NOS2: variants seen among roughly 807,000 people sequenced by gnomAD.
NOS2 encodes nitric oxide synthase 2.
NOS2 carries 96 observed loss-of-function variants against 136.0 expected under a neutral mutation model. That is an observed-to-expected ratio of 0.71 (90% CI 0.60 to 0.84). NOS2 has a LOEUF of 0.84. Among genes scored for constraint, NOS2 ranks in the 40% least tolerant of loss-of-function variants. The pLI is 0.00. For missense variants in NOS2, 1,237 were observed against 1,496.9 expected, an observed-to-expected ratio of 0.83 and a Z score of 2.87; for synonymous variants, 539 against 587.5, an observed-to-expected ratio of 0.92 and a Z score of 1.20.
chr17:27,785,950 C>T (rs1448300922), intron 5 of NOS2, among the ~76,000 whole-genome samples: 2 of 115,866 alleles, frequency 1.7e-5, no homozygotes, highest in East Asian at 2.3e-4. Flanking sequence ...AGAGCAAGAC[C>T]GAGTCTCAAA....
At chr17:27,783,754 C>T (rs1908926050) in intron 5 of NOS2, among the ~76,000 whole-genome samples, 1 of 152,226 alleles carries the variant, frequency 6.6e-6, no homozygotes, top group African/African-American at 2.4e-5. Context: ...AACATAAGTA[C>T]AGGAAAGAGC....
Position 27,778,732 on chromosome 17 carries a change from C to T in NOS2, c.1239G>A (p.Gln413=). The change falls in exon 11 of 27, where the codon CAG becomes CAA. Residue 413 remains glutamine (Q), a synonymous_variant. Transcript: ENST00000313735. The part of the protein sequence containing the change: ...THKLASLWKD[Q]AVVEINIAVL... ...CAGCAATGTTGATCTCAACGACAGCCTGGTCTTTCCAGAGCGAGGCCAGCT... is the reference window on the plus strand; with the variant it reads ...CAGCAATGTTGATCTCAACGACAGCTTGGTCTTTCCAGAGCGAGGCCAGCT... The T allele has an allele frequency of 1.2e-6, 2 of 1,614,218 alleles. No individual in the cohort carries two copies. Among genetic ancestry groups the T allele is most frequent in the South Asian group, 1.1e-5 (1 of 91,082 alleles).
chr17:27,787,588 G>A (rs1221682600), intron 5 of NOS2, 90 bp downstream of exon 5: 5 of 988,506 alleles, frequency 5.1e-6, no homozygotes, highest in Admixed American at 5.1e-5. Context: ...GAAAGAAAAG[G>A]GATCTAGCTA....
In NOS2 at chr17:27,760,080, C is replaced by A. The variant is rs145383683; in HGVS notation, c.3109G>T (p.Val1037Leu). 6.2e-6 allele frequency: 10 copies of A among 1,600,558 alleles called. No homozygotes were observed. The South Asian group carries it at 1.0e-4, about 16-fold the overall frequency. ...EEMLEMAQKG[V>L]LHAVHTAYSR... Reference sequence around the variant, plus strand: ...TAGGCTGTGTGCACCGCATGCAGCACCCCCTTCTGGGCCATCTCCAGCATC... The same window carrying A: ...TAGGCTGTGTGCACCGCATGCAGCAACCCCTTCTGGGCCATCTCCAGCATC... The change falls in exon 25 of 27, where the codon GTG becomes TTG. Residue 1037 changes from valine (V) to leucine (L), a missense_variant. Physicochemically the swap from Val to Leu is conservative, Grantham distance 32. Transcript: ENST00000313735.
chr17:27,780,851 A>C lies in NOS2; in HGVS notation c.920T>G (p.Leu307Arg). 2 of 1,614,198 alleles carry C rather than the reference A, an allele frequency of 1.2e-6. No homozygotes were observed. Among genetic ancestry groups the C allele is most frequent in the Non-Finnish European group, 1.7e-6 (2 of 1,180,008 alleles). ...PKYGRFDVVP[L>R]VLQANGRDPE... ...GTCACGGCCATTGGCCTGCAGGACC[A>C]GGGGGACCACATCGAAGCGGCCGTA... The change falls in exon 9 of 27, where the codon CTG becomes CGG. Residue 307 changes from leucine (L) to arginine (R), a missense_variant. Physicochemically the swap from Leu to Arg is moderately radical, Grantham distance 102. Coordinates refer to ENST00000313735, the MANE Select transcript of NOS2 (RefSeq NM_000625.4).
rs766188897 is a variant in NOS2 at position 27,765,490 on chromosome 17, G to A, written c.2428+45C>T. The A allele has an allele frequency of 2.5e-5, 38 of 1,520,374 alleles. No homozygotes were observed. In the African/African-American group the frequency reaches 4.4e-4, roughly 18 times the overall value. The allele number at this position is 1,520,374 out of a possible 1,614,324, so 94.2% of individuals were successfully genotyped here. On this transcript the variant is annotated intron_variant, in intron 20 of 26. Transcript: ENST00000313735. Reference sequence around the variant, plus strand: ...CTCAGCCCCTCAGCCAGGTGGGGCGGCCAGAGGGTGCCAGGCAGCACTGGC... The same window carrying A: ...CTCAGCCCCTCAGCCAGGTGGGGCGACCAGAGGGTGCCAGGCAGCACTGGC...
At chr17:27,789,328 C>T (rs1252210345) in intron 3 of NOS2, among the ~76,000 whole-genome samples, 1 of 152,210 alleles carries the variant, frequency 6.6e-6, no homozygotes, top group Non-Finnish European at 1.5e-5. Flanking sequence ...CATTTCTCTG[C>T]CCACCTCTCT....
chr17:27,797,024 C>T (rs1909374423), intron 2 of NOS2, among the ~76,000 whole-genome samples: 1 of 152,178 alleles, frequency 6.6e-6, no homozygotes. Flanking sequence ...AAATCTCCTA[C>T]CCTGCATTCA....
Position 27,798,851 on chromosome 17 carries a change from G to T in NOS2, c.-42C>A, listed in dbSNP as rs1909440538. On this transcript the variant is annotated 5_prime_UTR_variant, in exon 2 of 27. Coordinates refer to ENST00000313735, the MANE Select transcript of NOS2 (RefSeq NM_000625.4). ...AGCAGGTCACTTATGTCACTTATCTGGATTTGAGCTCAGATGTTCTTCACT... is the reference window on the plus strand; with the variant it reads ...AGCAGGTCACTTATGTCACTTATCTTGATTTGAGCTCAGATGTTCTTCACT... The T allele has an allele frequency of 3.3e-6, 4 of 1,229,200 alleles. No individual in the cohort carries two copies. Among genetic ancestry groups the T allele is most frequent in the Non-Finnish European group, 3.6e-6 (3 of 829,054 alleles). 76.1% of individuals were successfully genotyped at this position (1,229,200 alleles called of 1,614,324 possible).
chr17:27,764,588 A>G (rs190908369), intron 20 of NOS2, among the ~76,000 whole-genome samples: 125 of 152,358 alleles, frequency 8.2e-4, no homozygotes, highest in Non-Finnish European at 8.5e-4. Context: ...AGTCCCAGGG[A>G]GCAGCATGCA....
At chr17:27,773,355 G>T in intron 12 of NOS2, 112 bp from the exon 13 acceptor site, 1 of 751,552 alleles carries the variant, frequency 1.3e-6, no homozygotes. Flanking sequence ...TGGGAGAGAA[G>T]GCTGGCCTGC....
chr17:27,760,432 G>A (rs1567632261), intron 24 of NOS2, among the ~76,000 whole-genome samples, 191 bp downstream of exon 24: 1 of 152,238 alleles, frequency 6.6e-6, no homozygotes, highest in Non-Finnish European at 1.5e-5. Context: ...ACTCCCAGGA[G>A]AGGGAGCCCT....
At chr17:27,768,885 T>C in intron 17 of NOS2, 92 bp downstream of exon 17, 1 of 1,354,234 alleles carries the variant, frequency 7.4e-7, no homozygotes, top group Non-Finnish European at 9.8e-7. Context: ...CAGGCAGAGG[T>C]CATGCCACCT....
intron 25 of NOS2, 106 bp downstream of exon 25, chr17:27,759,924 G>A: frequency 1.8e-6 from 2 of 1,113,970 alleles, no homozygotes; most frequent in South Asian, 1.9e-5. Flanking sequence ...CAGCATTTTC[G>A]AGCTCAGGAG....
chr17:27,787,741 G>A lies in NOS2; in HGVS notation c.404C>T (p.Pro135Leu), dbSNP rs753148424. ...LTRGPRDKPT[P>L]PDELLPQAIE... The stretch of plus-strand genomic sequence containing the variant: ...AGCTTGAGGTAGAAGCTCATCTGGA[G>A]GGGTAGGCTTGTCCCTGGGTCCTCT... Residue 135 changes from proline (P) to leucine (L), a missense_variant, in exon 5 of 27, where the codon CCT becomes CTT. Transcript: ENST00000313735. The A allele has an allele frequency of 6.2e-7, 1 of 1,613,836 alleles. No homozygotes were observed. The highest frequency in any genetic ancestry group is 1.3e-5 in the African/African-American group (1 of 74,932).
In NOS2 at chr17:27,778,539, A is replaced by T. The variant is rs1248889907; in HGVS notation, c.1281+151T>A. On this transcript the variant is annotated intron_variant, in intron 11 of 26. Transcript: ENST00000313735. ...CAGAATTCAGTGCTCAAGTACAGGGATTGAACAGTCTTGGGAGGTGAGGAG... is the reference window on the plus strand; with the variant it reads ...CAGAATTCAGTGCTCAAGTACAGGGTTTGAACAGTCTTGGGAGGTGAGGAG... 4 of 646,688 alleles carry T rather than the reference A, an allele frequency of 6.2e-6. No homozygotes were observed. The Admixed American group carries it at 1.0e-4, about 17-fold the overall frequency. 40.1% of individuals were successfully genotyped at this position (646,688 alleles called of 1,614,324 possible). A position where few individuals can be genotyped will look rare whatever the true frequency, so the allele number is the denominator to read the frequency against.
intron 11 of NOS2, among the ~76,000 whole-genome samples, chr17:27,776,405 G>A (rs1908659687): frequency 6.6e-6 from 1 of 152,138 alleles, no homozygotes. Context: ...GGGTGCAGTG[G>A]CTCACACCTG....
At position 27,764,028 on chromosome 17, in the gene NOS2, C is replaced by A. The variant is rs759872825; in HGVS notation, c.2545G>T (p.Val849Leu). Residue 849 changes from valine (V) to leucine (L), a missense_variant, in exon 21 of 27, where the codon GTG becomes TTG. Transcript: ENST00000313735. ...TQLLLQKLAQ[V>L]ATEEPERQRL... is the part of the protein sequence containing the mutation. ...TGTCTCTCAGGCTCTTCTGTGGCCA[C>A]CTGGGCCAGCTTTTGGAGCAGCAGC... The A allele has an allele frequency of 1.9e-6, 3 of 1,613,642 alleles. No individual in the cohort carries two copies. The highest frequency in any genetic ancestry group is 2.7e-5 in the African/African-American group (2 of 74,902).
At chr17:27,763,493 A>G (rs764668962) in intron 21 of NOS2, among the ~76,000 whole-genome samples, 11 of 152,236 alleles carry the variant, frequency 7.2e-5, no homozygotes, top group Non-Finnish European at 1.5e-4. Context: ...ATAATTAGCT[A>G]TAATGATGAT....
Sources: gnomAD v4.1 joint callset for allele counts (sites outside exome capture counted in the v4.1 genomes callset) on GRCh38, gnomAD v4.1.1 for gene constraint, MANE v1.5 for transcripts, NCBI Gene and HGNC (gene_info 2026-07-23, HGNC 2026-07-21) for gene names.